The following LLGL2 variants were observed in gnomAD, a reference collection of about 807,000 sequenced individuals.
LLGL2 encodes the protein LLGL scribble cell polarity complex component 2, also known as LLGL2, scribble cell polarity complex component.
In LLGL2, 81 loss-of-function variants were observed where a neutral mutation model predicts 123.2. That is an observed-to-expected ratio of 0.66 (90% CI 0.55 to 0.79). The LOEUF is 0.79. Ranked by LOEUF, LLGL2 falls within the 30% of genes least tolerant of loss-of-function variation. The pLI is 0.00. For synonymous variants in LLGL2, 577 were observed against 594.1 expected, an observed-to-expected ratio of 0.97 and a Z score of 0.42; for missense variants, 1,273 against 1,414.6, an observed-to-expected ratio of 0.90 and a Z score of 1.61.
chr17:75,551,975 A>G (rs1426666738), intron 2 of LLGL2, among the ~76,000 whole-genome samples: 1 of 152,110 alleles, frequency 6.6e-6, no homozygotes, highest in Non-Finnish European at 1.5e-5. Context: ...CTAAAAATGC[A>G]AAAATTAGCT....
chr17:75,550,107 C>T (rs2054599023), intron 2 of LLGL2, among the ~76,000 whole-genome samples: 1 of 152,212 alleles, frequency 6.6e-6, no homozygotes, highest in Non-Finnish European at 1.5e-5. Context: ...TGGTCAGCCT[C>T]CTGGTTTGAA....
At chr17:75,548,118 C>T (rs12943627) in intron 2 of LLGL2, among the ~76,000 whole-genome samples, 74,009 of 151,810 alleles carry the variant, frequency 0.49, 18,919 homozygotes, top group African/African-American at 0.62. Context: ...GATGCTCGAC[C>T]GGTAAGTATA....
chr17:75,536,206 C>A (rs372002303), intron 1 of LLGL2, among the ~76,000 whole-genome samples: 2 of 152,122 alleles, frequency 1.3e-5, no homozygotes, highest in African/African-American at 4.8e-5. Context: ...TCAGAGGTGG[C>A]GCTCTGGCTA....
In LLGL2 at chr17:75,558,612, T is replaced by C. The variant is rs1018893764; in HGVS notation, c.356T>C (p.Leu119Pro). The C allele has an allele frequency of 6.2e-7, 1 of 1,605,962 alleles. No individual in the cohort carries two copies. The highest frequency in any genetic ancestry group is 8.5e-7 in the Non-Finnish European group (1 of 1,176,576). ...CTGCAGGAGGATGAGAGCTTCACAC[T>C]GCGTGGACCCCCAGGGTAAGGGCTC... Reference protein sequence around the residue: ...SELQEDESFTLRGPPGAAPSA... With the variant: ...SELQEDESFTPRGPPGAAPSA... Residue 119 changes from leucine (L) to proline (P), a missense_variant, in exon 5 of 26, where the codon CTG becomes CCG. Physicochemically the swap from Leu to Pro is moderately conservative, Grantham distance 98 (BLOSUM62 -3). Coordinates refer to ENST00000392550, the MANE Select transcript of LLGL2 (RefSeq NM_001031803.2). This position sits in a 1 kb window ranked among gnomAD's most constrained non-coding sequence, Gnocchi z 4.0.
At position 75,570,865 on chromosome 17, in the gene LLGL2, C is replaced by T. The variant is rs181883261; in HGVS notation, c.2026-85C>T. ...GCTGGCATGGCTGTGGCCTGCCTTC[C>T]GATGCAAGGATCAGCACTGAGCGAA... is the stretch of plus-strand genomic sequence containing the variant. On this transcript the variant is annotated intron_variant, in intron 16 of 25. Coordinates refer to ENST00000392550, the MANE Select transcript of LLGL2 (RefSeq NM_001031803.2). 7,569 of 1,475,234 alleles carry T rather than the reference C, an allele frequency of 5.1e-3. 30 individuals carry two copies. The highest frequency in any genetic ancestry group is 5.8e-3 in the Non-Finnish European group (6,381 of 1,106,578). The allele number at this position is 1,475,234 out of a possible 1,614,324, so 91.4% of individuals were successfully genotyped here.
At chr17:75,560,801 T>A in intron 6 of LLGL2, among the ~76,000 whole-genome samples, 1 of 47,226 alleles carries the variant, frequency 2.1e-5, no homozygotes, top group South Asian at 5.7e-4. Context: ...TGTTTATTTA[T>A]TAAAAAAAAA....
chr17:75,535,233 A>G (rs2053955230), intron 1 of LLGL2, among the ~76,000 whole-genome samples: 1 of 152,270 alleles, frequency 6.6e-6, no homozygotes. Flanking sequence ...TCCGTCAAAC[A>G]GGAGGCCACA....
At position 75,569,135 on chromosome 17, in the gene LLGL2, A is replaced by AG; in HGVS notation, c.1476+6dup. On this transcript the variant is annotated splice_donor_region_variant and intron_variant, in intron 13 of 25. Transcript: ENST00000392550. ...CGAGTGGCCCCCACTCCGCAAGGTG[A>AG]GGCCAGGAGCCTGGGACCCAGGAAG... 6.2e-7 allele frequency: 1 copy of AG among 1,613,320 alleles called. No individual in the cohort carries two copies. The highest frequency in any genetic ancestry group is 8.5e-7 in the Non-Finnish European group (1 of 1,179,812).
chr17:75,563,697 C>A lies in LLGL2; in HGVS notation c.827-55C>A, dbSNP rs139886019. The A allele has an allele frequency of 8.8e-6, 14 of 1,595,670 alleles. No homozygotes were observed. The African/African-American group carries it at 1.7e-4, about 20-fold the overall frequency. ...CTAGAGGGATCTGTGCCTGTGGGGA[C>A]TGACACTTGTCTGAGAGTTTGAGGA... On this transcript the variant is annotated intron_variant, in intron 8 of 25. Coordinates refer to ENST00000392550, the MANE Select transcript of LLGL2 (RefSeq NM_001031803.2).
Position 75,573,121 on chromosome 17 carries a change from C to T in LLGL2, c.2568C>T (p.Ala856=), listed in dbSNP as rs758645564. ...TGGCCCACTTCGGCAGTCGTCGAGC[C>T]GAGGACTACGGGGAGCACCACCTGG... ...VSVAHFGSRR[A]EDYGEHHLAV... The change falls in exon 20 of 26, where the codon GCC becomes GCT. Residue 856 remains alanine, a synonymous_variant. Coordinates refer to ENST00000392550, the MANE Select transcript of LLGL2 (RefSeq NM_001031803.2). 5.6e-6 allele frequency: 9 copies of T among 1,613,006 alleles called. No homozygotes were observed. The highest frequency in any genetic ancestry group is 1.1e-5 in the South Asian group (1 of 91,068).
At chr17:75,572,903 G>T in intron 19 of LLGL2, 111 bp from the exon 20 acceptor site, 1 of 1,305,596 alleles carries the variant, frequency 7.7e-7, no homozygotes, top group South Asian at 1.4e-5. Flanking sequence ...GAGAGCCAAG[G>T]GTTTGTCAGG....
rs1383763572 is a variant in LLGL2, at chr17:75,568,766, T to C, written c.1255-6T>C. 1 of 1,608,850 alleles carries C rather than the reference T, an allele frequency of 6.2e-7. No homozygotes were observed. Among genetic ancestry groups the C allele is most frequent in the Non-Finnish European group, 8.5e-7 (1 of 1,176,852 alleles). ...CTCCCATGGACTTCTTGGTCTCTTT[T>C]TCTAGGAGTGGCCAATTGATGGTGG... On this transcript the variant is annotated splice_polypyrimidine_tract_variant and splice_region_variant and intron_variant, in intron 11 of 25. Transcript: ENST00000392550.
chr17:75,531,998 A>T (rs1439874452), intron 1 of LLGL2, among the ~76,000 whole-genome samples: 1 of 150,012 alleles, frequency 6.7e-6, no homozygotes, highest in Non-Finnish European at 1.5e-5. Flanking sequence ...GAGTTTGATG[A>T]GAGGGACATC....
At chr17:75,530,446 C>T (rs1033851196) in intron 1 of LLGL2, among the ~76,000 whole-genome samples, 4 of 152,018 alleles carry the variant, frequency 2.6e-5, no homozygotes, top group East Asian at 1.9e-4. Context: ...GTCAGGAGAT[C>T]GAGACCATCC....
chr17:75,561,260 T>G (rs568194161), intron 6 of LLGL2, among the ~76,000 whole-genome samples: 1 of 152,360 alleles, frequency 6.6e-6, no homozygotes, highest in Non-Finnish European at 1.5e-5. Flanking sequence ...GAATGATCAT[T>G]GTAGGGCTGT....
rs891416620 is a variant in LLGL2, at chr17:75,570,625, C to T, written c.2025+127C>T. The stretch of plus-strand genomic sequence containing the variant: ...TACAAACAAGATTCAGGGTCCAGGT[C>T]GCATTGTGTGACCTCAGACAGGTCA... On this transcript the variant is annotated intron_variant, in intron 16 of 25. Coordinates refer to ENST00000392550, the MANE Select transcript of LLGL2 (RefSeq NM_001031803.2). 9.8e-6 allele frequency: 12 copies of T among 1,218,830 alleles called. No homozygotes were observed. In the East Asian group the frequency reaches 1.0e-4, roughly 10 times the overall value. The allele number at this position is 1,218,830 out of a possible 1,614,324, so 75.5% of individuals were successfully genotyped here.
intron 1 of LLGL2, among the ~76,000 whole-genome samples, chr17:75,527,337 C>T (rs1464866092): frequency 1.3e-5 from 2 of 152,072 alleles, no homozygotes; most frequent in Admixed American, 1.3e-4. Flanking sequence ...AGACAGAACT[C>T]AAACTCAGCT....
At position 75,574,464 on chromosome 17, in the gene LLGL2, G is replaced by T; in HGVS notation, c.2965G>T (p.Glu989Ter). 1 of 1,552,260 alleles carries T rather than the reference G, an allele frequency of 6.4e-7. No individual in the cohort carries two copies. Among genetic ancestry groups the T allele is most frequent in the Non-Finnish European group, 8.7e-7 (1 of 1,149,192 alleles). The change falls in exon 24 of 26, where the codon GAA becomes TAA. Residue 989 changes from glutamate (E) to a stop codon, truncating the protein, a stop_gained. Coordinates refer to ENST00000392550, the MANE Select transcript of LLGL2 (RefSeq NM_001031803.2). LOFTEE classifies it high-confidence loss of function. ...ALLSDERVLKEIQSTLEGDRG... is the reference protein window; with the variant it reads ...ALLSDERVLK Reference sequence around the variant, plus strand: ...CACCCGGCCTGCAGGAGTCCTGAAGGAAATCCAGAGCACACTGGAGGGAGA... The same window carrying T: ...CACCCGGCCTGCAGGAGTCCTGAAGTAAATCCAGAGCACACTGGAGGGAGA...
rs2053541423 is a variant in LLGL2, at chr17:75,525,796, C to CGCCGAGGA, written c.-60_-59insGCCGAGGA. 1.2e-5 allele frequency: 1 copy of CGCCGAGGA among 81,670 alleles called. No individual in the cohort carries two copies. The highest frequency in any genetic ancestry group is 1.1e-4 in the Admixed American group (1 of 9,002). 5.1% of individuals were successfully genotyped at this position (81,670 alleles called of 1,614,324 possible). A position where few individuals can be genotyped will look rare whatever the true frequency, so the allele number is the denominator to read the frequency against. On this transcript the variant is annotated 5_prime_UTR_variant, in exon 1 of 26. Transcript: ENST00000392550. This position sits in a 1 kb window ranked among gnomAD's most constrained non-coding sequence, Gnocchi z 4.8. ...CGGCGGGCGCCGAGGGACGCCGAGG[C>CGCCGAGGA]CTCGGGCGGGGGCTGGCCCGGGGTT...
Sources: gnomAD v4.1 joint callset for allele counts (sites outside exome capture counted in the v4.1 genomes callset) on GRCh38, gnomAD v4.1.1 for gene constraint, Gnocchi (gnomAD v3.1) non-coding constraint, MANE v1.5 for transcripts, NCBI Gene and HGNC (gene_info 2026-07-23, HGNC 2026-07-21) for gene names.